CD72: variants seen among roughly 807,000 people sequenced by gnomAD.
The protein encoded by CD72 is B-cell differentiation antigen CD72.
CD72 carries 28 observed loss-of-function variants against 50.7 expected under a neutral mutation model. That is an observed-to-expected ratio of 0.55 (90% CI 0.41 to 0.76). CD72 has a LOEUF of 0.76. CD72 is among the 30% of genes least tolerant of loss of function. The pLI is 0.00. For synonymous variants in CD72, 176 were observed against 171.2 expected, an observed-to-expected ratio of 1.03 and a Z score of -0.22; for missense variants, 403 against 420.6, an observed-to-expected ratio of 0.96 and a Z score of 0.37.
At chr9:35,625,589 C>A (rs1823188666) in intron 1 of CD72, among the ~76,000 whole-genome samples, 1 of 152,244 alleles carries the variant, frequency 6.6e-6, no homozygotes, top group Non-Finnish European at 1.5e-5. Flanking sequence ...ATTTTCAATG[C>A]AAACTAAACA....
At chr9:35,642,391 T>C (rs566836979) in intron 1 of CD72, 2 of 152,324 alleles carry the variant, frequency 1.3e-5, no homozygotes, top group South Asian at 4.1e-4. Flanking sequence ...GTTTACATCA[T>C]GAGATGGCCA....
At chr9:35,618,934 G>A (rs1163959894), upstream of CD72, 2 of 368,092 alleles carry the variant, frequency 5.4e-6, no homozygotes, top group African/African-American at 2.1e-5. Flanking sequence ...TGGCAGCACT[G>A]CCCCCCATGC....
chr9:35,632,337 A>C (rs1195456536), intron 1 of CD72, among the ~76,000 whole-genome samples: 1 of 150,888 alleles, frequency 6.6e-6, no homozygotes, highest in African/African-American at 2.4e-5. Context: ...ACCACGCCTA[A>C]TTTTTTGTAT....
rs763842007 is a variant in CD72 at position 35,617,135 on chromosome 9, G to A, written c.262+41C>T. 13 of 1,550,226 alleles carry A rather than the reference G, an allele frequency of 8.4e-6. 1 individual carries two copies. The South Asian group carries it at 1.1e-4, about 13-fold the overall frequency. Reference sequence around the variant, plus strand: ...CGCCATCCGCAGCCGGGACAGGCGCGAGCACTTGGCCCCGCGGCTGCCCCG... The same window carrying A: ...CGCCATCCGCAGCCGGGACAGGCGCAAGCACTTGGCCCCGCGGCTGCCCCG... On this transcript the variant is annotated intron_variant, in intron 3 of 8. Coordinates refer to ENST00000259633, the MANE Select transcript of CD72 (RefSeq NM_001782.3).
chr9:35,615,000 G>A (rs1823044443), intron 5 of CD72, among the ~76,000 whole-genome samples: 1 of 152,150 alleles, frequency 6.6e-6, no homozygotes. Flanking sequence ...CAGCAGATTG[G>A]AGGCCTTGAT....
chr9:35,618,936 C>G (rs565682123), upstream of CD72: 172 of 359,870 alleles, frequency 4.8e-4, 1 homozygote, highest in African/African-American at 3.3e-3. Context: ...GCAGCACTGC[C>G]CCCCATGCAC....
chr9:35,624,203 C>T (rs1042368891), upstream of CD72, among the ~76,000 whole-genome samples: 59 of 141,516 alleles, frequency 4.2e-4, no homozygotes, highest in Non-Finnish European at 7.9e-4. Flanking sequence ...CAAAGGGAGA[C>T]TCTGTCTCAA....
intron 1 of CD72, among the ~76,000 whole-genome samples, chr9:35,637,797 T>C (rs1344570199): frequency 6.6e-6 from 1 of 152,092 alleles, no homozygotes; most frequent in Admixed American, 6.5e-5. Context: ...GGCAAGTCAA[T>C]TGTGGGGACG....
upstream of CD72, chr9:35,619,680 G>C (rs1320835003): frequency 6.6e-6 from 1 of 152,264 alleles, no homozygotes; most frequent in Non-Finnish European, 1.5e-5. Context: ...GTGTGTGCAT[G>C]GATATGCATG....
chr9:35,618,747 C>G, upstream of CD72: 1 of 1,283,082 alleles, frequency 7.8e-7, no homozygotes, highest in Admixed American at 2.3e-5. Context: ...CTGACCCAGA[C>G]GATCTCCCCA....
At chr9:35,624,211 CAAA>C (rs1157009753), upstream of CD72, among the ~76,000 whole-genome samples, 4 of 104,984 alleles carry the variant, frequency 3.8e-5, no homozygotes, top group South Asian at 1.3e-3. Flanking sequence ...GACTCTGTCT[CAAA>C]AATAATAATA....
rs529678585 is a variant in CD72, at chr9:35,641,434, G to A, written n.408+4969C>T. Among the ~76,000 whole-genome samples the A allele has an allele frequency of 9.2e-5, 14 of 152,344 alleles. No individual in the cohort carries two copies. In the East Asian group the frequency reaches 2.3e-3, roughly 25 times the overall value. On this transcript the variant is annotated intron_variant and non_coding_transcript_variant, in intron 1 of 3. Coordinates refer to the CD72 transcript ENST00000465754. ...CTTTACAGGCCCTGACTATCTGCTT[G>A]ATAGTTTTGAAAGACCTGGTCCAGT... is the stretch of plus-strand genomic sequence containing the variant.
At position 35,618,061 on chromosome 9, in the gene CD72, A is replaced by T. The variant is rs761512992; in HGVS notation, c.143T>A (p.Leu48Gln). Reference protein sequence around the residue: ...TYENVQVPAVLGVPSSLASSV... With the variant: ...TYENVQVPAVQGVPSSLASSV... ...AGAAGCCAAGCTTGAGGGCACCCCT[A>T]GGACTGCGGGCACTTGAACATTCTC... The change falls in exon 2 of 9, where the codon CTA (leucine) becomes CAA (glutamine). Residue 48 changes from leucine (L) to glutamine (Q), a missense_variant. Leu to Gln is a moderately radical substitution (Grantham distance 113). Transcript: ENST00000259633. 2 of 1,614,008 alleles carry T rather than the reference A, an allele frequency of 1.2e-6. No individual in the cohort carries two copies. The highest frequency in any genetic ancestry group is 1.3e-5 in the African/African-American group (1 of 75,036).
intron 1 of CD72, among the ~76,000 whole-genome samples, chr9:35,627,222 T>G (rs985365852): frequency 2.0e-5 from 3 of 151,632 alleles, no homozygotes; most frequent in Non-Finnish European, 4.4e-5. Flanking sequence ...CCTCCCGGGT[T>G]CAAGCGATTC....
chr9:35,621,415 C>T (rs573217523), upstream of CD72, among the ~76,000 whole-genome samples: 4 of 152,324 alleles, frequency 2.6e-5, no homozygotes, highest in African/African-American at 7.2e-5. Flanking sequence ...GTCAGGACAT[C>T]GGGAGCATCT....
In CD72 at chr9:35,616,038, G is replaced by A. The variant is rs1165927665; in HGVS notation, c.593C>T (p.Thr198Ile). 18 of 1,613,902 alleles carry A rather than the reference G, an allele frequency of 1.1e-5. No individual in the cohort carries two copies. The highest frequency in any genetic ancestry group is 1.5e-5 in the Non-Finnish European group (18 of 1,180,028). Residue 198 changes from threonine to isoleucine, a missense_variant, in exon 5 of 9, where the codon ACC (threonine) becomes ATC (isoleucine). Thr to Ile is a moderately conservative substitution (Grantham distance 89, BLOSUM62 -1). Coordinates refer to ENST00000259633, the MANE Select transcript of CD72 (RefSeq NM_001782.3). ...CCTCTGTTGCTCCTCACTTTGCAAG[G>A]TCTCCTTCGTCTTCTGTCTGTCTGC... ...CQADRQKTKE[T>I]LQSEEQQRRA...
chr9:35,614,982 A>G (rs1232414152), intron 5 of CD72, among the ~76,000 whole-genome samples: 2 of 152,092 alleles, frequency 1.3e-5, no homozygotes, highest in Non-Finnish European at 2.9e-5. Flanking sequence ...AGGGAGAAAA[A>G]GGGGAGTCAG....
upstream of CD72, among the ~76,000 whole-genome samples, chr9:35,619,156 A>G (rs750926665): frequency 2.0e-5 from 3 of 152,114 alleles, no homozygotes; most frequent in Non-Finnish European, 4.4e-5. Context: ...AAAAGTCCCA[A>G]AGCTGTCCCT....
rs141920239 is a variant in CD72, at chr9:35,629,687, T to C, written n.409-11566A>G. On this transcript the variant is annotated intron_variant and non_coding_transcript_variant, in intron 1 of 3. Coordinates refer to the CD72 transcript ENST00000465754. The stretch of plus-strand genomic sequence containing the variant: ...AAGGATAAGCCAGAACCCGTGAACA[T>C]AGACTGGAACCCAAGTCAGTCTCTG... 2.4e-3 allele frequency among the ~76,000 whole-genome samples: 367 copies of C among 152,316 alleles called. 7 individuals carry two copies. Among genetic ancestry groups the C allele is most frequent in the Non-Finnish European group, 4.3e-4 (29 of 68,028 alleles).
Sources: gnomAD v4.1 joint callset for allele counts (sites outside exome capture counted in the v4.1 genomes callset) on GRCh38, gnomAD v4.1.1 for gene constraint, MANE v1.5 for transcripts, NCBI Gene and HGNC (gene_info 2026-07-23, HGNC 2026-07-21) for gene names.